Variants in LONP2 observed in about 807,000 individuals in gnomAD.
LONP2 encodes lon peptidase 2, peroxisomal.
Under a neutral mutation model 85.6 loss-of-function variants are expected in LONP2, and 60 were observed. That is an observed-to-expected ratio of 0.70 (90% confidence interval 0.57 to 0.87). The LOEUF is 0.87. Among genes scored for constraint, LONP2 ranks in the 40% least tolerant of loss-of-function variants. The pLI, the probability that LONP2 is intolerant of heterozygous loss-of-function variation, is 0.00. For synonymous variants in LONP2, 395 were observed against 389.7 expected, an observed-to-expected ratio of 1.01 and a Z score of -0.16; for missense variants, 860 against 1,063.5, an observed-to-expected ratio of 0.81 and a Z score of 2.66.
chr16:48,316,727 C>T (rs1466166371), intron 11 of LONP2, among the ~76,000 whole-genome samples: 2 of 152,142 alleles, frequency 1.3e-5, no homozygotes, highest in South Asian at 2.1e-4. Flanking sequence ...CTTGGACATG[C>T]TAGTCATTAT....
intron 8 of LONP2, among the ~76,000 whole-genome samples, chr16:48,282,673 G>T (rs1972355969): frequency 6.6e-6 from 1 of 152,116 alleles, no homozygotes; most frequent in Non-Finnish European, 1.5e-5. Flanking sequence ...TGTTGAGTAT[G>T]TACTAACTGC....
intron 12 of LONP2, chr16:48,343,768 A>T (rs1193645722): frequency 6.6e-6 from 1 of 152,216 alleles, no homozygotes; most frequent in Non-Finnish European, 1.5e-5. Context: ...TATTTTAAAT[A>T]CTTCCTTAAT....
chr16:48,261,893 A>G (rs1971887560), intron 5 of LONP2, among the ~76,000 whole-genome samples: 2 of 152,214 alleles, frequency 1.3e-5, no homozygotes, highest in Admixed American at 1.3e-4. Flanking sequence ...AAGACAAAGT[A>G]CAGGGAAACC....
chr16:48,267,193 A>T (rs1246426224), intron 6 of LONP2, among the ~76,000 whole-genome samples: 1 of 152,200 alleles, frequency 6.6e-6, no homozygotes, highest in East Asian at 1.9e-4. Flanking sequence ...AGAACTGAAG[A>T]TGAATAAATT....
At chr16:48,252,515 A>G in intron 2 of LONP2, 150 bp downstream of exon 2, 1 of 498,462 alleles carries the variant, frequency 2.0e-6, no homozygotes, top group Admixed American at 3.8e-5. Context: ...ATTTACTCTT[A>G]TCTGGGGTTG....
downstream of LONP2, among the ~76,000 whole-genome samples, chr16:48,358,712 G>A (rs536107612): frequency 8.5e-5 from 13 of 152,134 alleles, no homozygotes; most frequent in African/African-American, 2.7e-4. Flanking sequence ...TCTCAGCTAC[G>A]CAGGAGGATG....
chr16:48,274,227 T>G (rs1413901924), intron 7 of LONP2, among the ~76,000 whole-genome samples: 1 of 152,166 alleles, frequency 6.6e-6, no homozygotes, highest in Non-Finnish European at 1.5e-5. Flanking sequence ...GACCACCTAT[T>G]GTGCTCCTTT....
Position 48,244,638 on chromosome 16 carries a change from C to A in LONP2, c.233+17C>A. 1 of 1,343,624 alleles carries A rather than the reference C, an allele frequency of 7.4e-7. No individual in the cohort carries two copies. Among genetic ancestry groups the A allele is most frequent in the Non-Finnish European group, 9.5e-7 (1 of 1,051,042 alleles). The allele number at this position is 1,343,624 out of a possible 1,614,324, so 83.2% of individuals were successfully genotyped here. A position where few individuals can be genotyped will look rare whatever the true frequency, so the allele number is the denominator to read the frequency against. On this transcript the variant is annotated intron_variant, in intron 1 of 14. Coordinates refer to ENST00000285737, the MANE Select transcript of LONP2 (RefSeq NM_031490.5). The stretch of plus-strand genomic sequence containing the variant: ...GCTGCACAGGTAGGCCTGGCTGCCC[C>A]CGCGGCGGCGGCGGGCGGCGCGGCC...
rs1959441598 is a variant in LONP2 at position 48,331,411 on chromosome 16, CAG to C, written c.1796-2803_1796-2802del. Among the ~76,000 whole-genome samples the C allele has an allele frequency of 3.9e-5, 6 of 152,126 alleles. No homozygotes were observed. The South Asian group carries it at 1.2e-3, about 31-fold the overall frequency. ...AGCAAATGAATGCTATAAAAGAAGT[CAG>C]AAAGATCAGGGAAGCTGTCCCTAGG... On this transcript the variant is annotated intron_variant, in intron 11 of 14. Coordinates refer to ENST00000285737, the MANE Select transcript of LONP2 (RefSeq NM_031490.5).
At chr16:48,291,779 C>T (rs1408285218) in intron 8 of LONP2, among the ~76,000 whole-genome samples, 2 of 152,144 alleles carry the variant, frequency 1.3e-5, no homozygotes, top group African/African-American at 2.4e-5. Flanking sequence ...CAGTTTGCCT[C>T]GGAGCTTCAT....
At chr16:48,282,018 T>A (rs1413035726) in intron 8 of LONP2, among the ~76,000 whole-genome samples, 4 of 152,208 alleles carry the variant, frequency 2.6e-5, no homozygotes, top group Non-Finnish European at 5.9e-5. Flanking sequence ...TTTCCAAATA[T>A]CGAATGGAGT....
chr16:48,324,946 A>G (rs1303606029), intron 11 of LONP2, among the ~76,000 whole-genome samples: 1 of 152,186 alleles, frequency 6.6e-6, no homozygotes, highest in Non-Finnish European at 1.5e-5. Flanking sequence ...TATATTTAAA[A>G]TTCTCTATTC....
At chr16:48,336,732 G>T (rs1959661484) in intron 12 of LONP2, among the ~76,000 whole-genome samples, 1 of 152,190 alleles carries the variant, frequency 6.6e-6, no homozygotes, top group South Asian at 2.1e-4. Flanking sequence ...AATGTCATCA[G>T]TTAAGGCAGG....
intron 12 of LONP2, among the ~76,000 whole-genome samples, chr16:48,341,484 C>A (rs1959806382): frequency 6.6e-6 from 1 of 151,924 alleles, no homozygotes; most frequent in Admixed American, 6.6e-5. Flanking sequence ...CACAAGAACT[C>A]ACTCACTATT....
Position 48,244,595 on chromosome 16 carries a change from C to G in LONP2, c.207C>G (p.Asp69Glu), listed in dbSNP as rs1401088380. The G allele has an allele frequency of 6.7e-7, 1 of 1,485,040 alleles. No homozygotes were observed. Among genetic ancestry groups the G allele is most frequent in the Non-Finnish European group, 8.9e-7 (1 of 1,120,404 alleles). 92.0% of individuals were successfully genotyped at this position (1,485,040 alleles called of 1,614,324 possible). A position where few individuals can be genotyped will look rare whatever the true frequency, so the allele number is the denominator to read the frequency against. ...CCAACACGCCTGACCCCGCCAGCGA[C>G]GCGCAGGACCTGCCGCCGCTGCACA... ...VIPNTPDPASDAQDLPPLHRI... is the reference protein window; with the variant it reads ...VIPNTPDPASEAQDLPPLHRI... The change falls in exon 1 of 15, where the codon GAC becomes GAG. Residue 69 changes from aspartate (D) to glutamate (E), a missense_variant. By Grantham distance (45) the Asp-to-Glu change is conservative. Transcript: ENST00000285737.
intron 11 of LONP2, among the ~76,000 whole-genome samples, chr16:48,320,196 G>A (rs957790251): frequency 1.3e-5 from 2 of 148,620 alleles, no homozygotes; most frequent in Admixed American, 6.8e-5. Flanking sequence ...TTCTAAGCCC[G>A]CATTGAAGTT....
At chr16:48,325,035 A>G (rs1342587991) in intron 11 of LONP2, among the ~76,000 whole-genome samples, 1 of 152,198 alleles carries the variant, frequency 6.6e-6, no homozygotes, top group Non-Finnish European at 1.5e-5. Flanking sequence ...TTTTGGCACC[A>G]GGGACCAATT....
chr16:48,270,060 C>G lies in LONP2; in HGVS notation c.1027C>G (p.His343Asp). ...RAARILLDND[H>D]YAMEKLKKRV... ...AGCCCGGATTCTTCTGGATAATGACCATTACGCCATGGAAAAATTGAAGAA... is the reference window on the plus strand; with the variant it reads ...AGCCCGGATTCTTCTGGATAATGACGATTACGCCATGGAAAAATTGAAGAA... Residue 343 changes from histidine (H) to aspartate (D), a missense_variant, in exon 7 of 15, where the codon CAT (histidine) becomes GAT (aspartate). Transcript: ENST00000285737. The G allele has an allele frequency of 6.2e-7, 1 of 1,613,916 alleles. No homozygotes were observed. Among genetic ancestry groups the G allele is most frequent in the Non-Finnish European group, 8.5e-7 (1 of 1,179,922 alleles).
chr16:48,295,843 T>C lies in LONP2; in HGVS notation c.1384-172T>C, dbSNP rs148071728. On this transcript the variant is annotated intron_variant, in intron 8 of 14. Coordinates refer to ENST00000285737, the MANE Select transcript of LONP2 (RefSeq NM_031490.5). ...AACGTATTTTATTTTTTAAAAAGTA[T>C]GTAGAATGTAGAGAATGCAAATAAT... Among the ~76,000 whole-genome samples, 287 of 152,316 alleles carry C rather than the reference T, an allele frequency of 1.9e-3. 1 individual carries two copies. The highest frequency in any genetic ancestry group is 6.6e-3 in the African/African-American group (274 of 41,568).
Sources: allele counts gnomAD v4.1 joint callset (sites outside exome capture counted in the v4.1 genomes callset), GRCh38; gene constraint gnomAD v4.1.1; transcripts MANE v1.5; gene names NCBI Gene and HGNC (gene_info 2026-07-23, HGNC 2026-07-21).